PACRG: variants seen among roughly 807,000 people sequenced by gnomAD.
PACRG encodes parkin coregulated, also known as parkin coregulated gene protein.
PACRG carries 29 observed loss-of-function variants against 29.7 expected under a neutral mutation model. The observed-to-expected ratio is 0.98, with a 90% CI of 0.73 to 1.33. PACRG has a LOEUF of 1.33. PACRG is among the 40% of genes most tolerant of loss of function. PACRG has a pLI of 0.00. For synonymous variants in PACRG, 116 were observed against 118.7 expected, an observed-to-expected ratio of 0.98 and a Z score of 0.15; for missense variants, 279 against 316.2, an observed-to-expected ratio of 0.88 and a Z score of 0.89.
intron 4 of PACRG, among the ~76,000 whole-genome samples, chr6:163,283,526 C>A (rs142765225): frequency 6.6e-6 from 1 of 152,084 alleles, no homozygotes; most frequent in Non-Finnish European, 1.5e-5. Flanking sequence ...TAGGGCCGGG[C>A]GCGGTGGCTC....
intron 1 of PACRG, among the ~76,000 whole-genome samples, chr6:162,748,714 C>G (rs540313755): frequency 8.3e-4 from 126 of 152,274 alleles, no homozygotes; most frequent in Non-Finnish European, 1.4e-3. Flanking sequence ...CTCCCCTCCC[C>G]CAGGTTCACA....
intron 2 of PACRG, among the ~76,000 whole-genome samples, chr6:162,875,321 T>G (rs915912716): frequency 4.0e-5 from 6 of 149,854 alleles, no homozygotes; most frequent in Non-Finnish European, 8.9e-5. Context: ...GCACAGACAT[T>G]CACACACAGA....
At chr6:163,132,469 C>T (rs927193121) in intron 4 of PACRG, among the ~76,000 whole-genome samples, 4 of 152,190 alleles carry the variant, frequency 2.6e-5, no homozygotes, top group Non-Finnish European at 1.5e-5. Context: ...AAATATGACA[C>T]CCAGAATGTG....
intron 4 of PACRG, among the ~76,000 whole-genome samples, chr6:163,239,615 G>T (rs1782381163): frequency 6.6e-6 from 1 of 151,550 alleles, no homozygotes; most frequent in Admixed American, 6.6e-5. Context: ...ACAGCTGGCT[G>T]TTCATTGCCC....
chr6:163,253,485 G>A lies in PACRG; in HGVS notation c.614-61342G>A, dbSNP rs116257931. Among the ~76,000 whole-genome samples the A allele has an allele frequency of 4.6e-3, 693 of 152,226 alleles. 3 individuals are homozygous for A. Among genetic ancestry groups the A allele is most frequent in the African/African-American group, 0.016 (670 of 41,542 alleles). Reference sequence around the variant, plus strand: ...TTTCAGGACACATGTCTAAATGTCTGTCTATCTAAAATTTATTTTAGGGGT... The same window carrying A: ...TTTCAGGACACATGTCTAAATGTCTATCTATCTAAAATTTATTTTAGGGGT... On this transcript the variant is annotated intron_variant, in intron 4 of 4. Transcript: ENST00000366888.
chr6:163,215,926 G>C (rs1402756515), intron 4 of PACRG, among the ~76,000 whole-genome samples: 2 of 152,212 alleles, frequency 1.3e-5, no homozygotes, highest in Non-Finnish European at 2.9e-5. Flanking sequence ...CGATTTCCAG[G>C]AAGTGTTTGA....
At chr6:162,809,438 C>T (rs1036951741) in intron 1 of PACRG, among the ~76,000 whole-genome samples, 10 of 152,176 alleles carry the variant, frequency 6.6e-5, no homozygotes, top group Non-Finnish European at 1.5e-4. Flanking sequence ...TAAATAAAGG[C>T]TTTCCATGGA....
At chr6:163,215,837 A>C (rs1472996994) in intron 4 of PACRG, among the ~76,000 whole-genome samples, 3 of 152,228 alleles carry the variant, frequency 2.0e-5, no homozygotes, top group Non-Finnish European at 4.4e-5. Context: ...CCAATGCTTC[A>C]GAAAGGACAA....
At chr6:162,798,201 G>A (rs565790455) in intron 1 of PACRG, among the ~76,000 whole-genome samples, 12 of 152,124 alleles carry the variant, frequency 7.9e-5, no homozygotes, top group East Asian at 7.7e-4. Flanking sequence ...CTATTCTGTC[G>A]GAAAGAATGA....
intron 4 of PACRG, among the ~76,000 whole-genome samples, chr6:163,194,556 C>T (rs114356331): frequency 0.011 from 1,620 of 152,264 alleles, 31 homozygotes; most frequent in African/African-American, 0.037. Flanking sequence ...ATGGACTTGA[C>T]GGGGACCCTG....
At chr6:163,048,581 T>C (rs1233094236) in intron 2 of PACRG, among the ~76,000 whole-genome samples, 1 of 152,168 alleles carries the variant, frequency 6.6e-6, no homozygotes, top group Non-Finnish European at 1.5e-5. Flanking sequence ...TAAGGTTATG[T>C]TGGCCTCAGA....
At chr6:162,964,465 A>G (rs1438151765) in intron 2 of PACRG, among the ~76,000 whole-genome samples, 7 of 152,200 alleles carry the variant, frequency 4.6e-5, no homozygotes, top group Admixed American at 3.9e-4. Context: ...CTGCTTTAGT[A>G]AGAAAGAGAA....
chr6:163,281,732 A>G (rs767117370), intron 4 of PACRG, among the ~76,000 whole-genome samples: 6 of 152,214 alleles, frequency 3.9e-5, no homozygotes, highest in Non-Finnish European at 5.9e-5. Context: ...GAGTAATAAT[A>G]TATAATTGAA....
chr6:163,229,706 C>A (rs1256105673), intron 4 of PACRG, among the ~76,000 whole-genome samples: 10 of 152,108 alleles, frequency 6.6e-5, no homozygotes, highest in African/African-American at 2.4e-5. Flanking sequence ...TCTAGGAGAA[C>A]CCTCCTCTGG....
intron 1 of PACRG, among the ~76,000 whole-genome samples, chr6:162,790,839 T>C (rs1784875768): frequency 6.6e-6 from 1 of 152,192 alleles, no homozygotes; most frequent in Non-Finnish European, 1.5e-5. Context: ...GATAACTGAA[T>C]AAGTCTTTTA....
chr6:162,832,737 T>A (rs7756913), intron 2 of PACRG, among the ~76,000 whole-genome samples: 38,776 of 151,870 alleles, frequency 0.26, 6,366 homozygotes, highest in African/African-American at 0.44. Context: ...GAATGAGCAT[T>A]GTGAGCTATG....
chr6:163,237,690 A>G (rs911625746), intron 4 of PACRG, among the ~76,000 whole-genome samples: 38 of 152,362 alleles, frequency 2.5e-4, no homozygotes, highest in African/African-American at 8.4e-4. Flanking sequence ...TTGAAGCACC[A>G]TAAATTACAT....
At chr6:162,869,086 AGAGGAAGAGAAC>A (rs1335759533) in intron 2 of PACRG, among the ~76,000 whole-genome samples, 4 of 152,194 alleles carry the variant, frequency 2.6e-5, no homozygotes, top group African/African-American at 4.8e-5. Context: ...TACAGAATGT[AGAGGAAGAGAAC>A]AGCAAAGATT....
chr6:162,841,361 A>G (rs1789739958), intron 2 of PACRG, among the ~76,000 whole-genome samples: 1 of 151,744 alleles, frequency 6.6e-6, no homozygotes, highest in Admixed American at 6.6e-5. Context: ...CATTTCTTCT[A>G]GATTATCTAG....
Sources: allele counts gnomAD v4.1 joint callset (sites outside exome capture counted in the v4.1 genomes callset), GRCh38; gene constraint gnomAD v4.1.1; transcripts MANE v1.5; gene names NCBI Gene and HGNC (gene_info 2026-07-23, HGNC 2026-07-21).